TAF2: variants seen among roughly 807,000 people sequenced by gnomAD.
TAF2 encodes TATA-box binding protein associated factor 2.
A neutral mutation model predicts 138.5 loss-of-function variants in TAF2; 61 were observed. The observed-to-expected ratio is 0.44, with a 90% CI of 0.36 to 0.54. The LOEUF (loss-of-function observed/expected upper bound fraction) is 0.54. TAF2 is among the 20% of genes least tolerant of loss of function. The probability of loss-of-function intolerance (pLI) is 0.00; values close to 1 mark genes in which losing one functional copy is unlikely to be tolerated. For missense variants in TAF2, 1,090 were observed against 1,427.9 expected (o/e 0.76, Z 3.81); for synonymous variants, 475 against 469.9 (o/e 1.01, Z -0.14).
chr8:119,779,667 C>G (rs916265484), intron 17 of TAF2, among the ~76,000 whole-genome samples: 1 of 152,228 alleles, frequency 6.6e-6, no homozygotes, highest in Non-Finnish European at 1.5e-5. Flanking sequence ...TAAATACATT[C>G]TGGCTTCCAC....
intron 2 of TAF2, among the ~76,000 whole-genome samples, chr8:119,827,151 G>A (rs1381790949): frequency 3.3e-5 from 5 of 152,028 alleles, no homozygotes; most frequent in East Asian, 1.9e-4. Flanking sequence ...CTGTGATTGC[G>A]CCACTGCACT....
rs1168404024 is a variant in TAF2, at chr8:119,744,538, A to C, written c.3109-145T>G. 6 of 701,730 alleles carry C rather than the reference A, an allele frequency of 8.6e-6. No homozygotes were observed. The African/African-American group carries it at 1.1e-4, about 13-fold the overall frequency. The allele number at this position is 701,730 out of a possible 1,614,324, so 43.5% of individuals were successfully genotyped here. On this transcript the variant is annotated intron_variant, in intron 23 of 25. Coordinates refer to ENST00000378164, the MANE Select transcript of TAF2 (RefSeq NM_003184.4). ...AATAAAAAGTAGTTTCTTTCTTCAAAGATATTAAGAGAAAGAAAAGATTAT... is the reference window on the plus strand; with the variant it reads ...AATAAAAAGTAGTTTCTTTCTTCAACGATATTAAGAGAAAGAAAAGATTAT...
chr8:119,811,785 GAA>G (rs1413808440), intron 3 of TAF2, among the ~76,000 whole-genome samples: 1 of 113,758 alleles, frequency 8.8e-6, no homozygotes, highest in African/African-American at 3.5e-5. Context: ...CAGCTTGGGC[GAA>G]AGAGTGAGAC....
intron 6 of TAF2, among the ~76,000 whole-genome samples, chr8:119,799,518 T>C (rs1013648939): frequency 2.6e-5 from 4 of 152,244 alleles, no homozygotes; most frequent in African/African-American, 9.6e-5. Context: ...TATTCCATGA[T>C]GCATATGTGC....
chr8:119,749,608 T>C (rs1820212403), intron 22 of TAF2, among the ~76,000 whole-genome samples: 1 of 152,186 alleles, frequency 6.6e-6, no homozygotes, highest in South Asian at 2.1e-4. Context: ...CTCTGTGACC[T>C]TGGGCAAGTC....
At chr8:119,817,027 A>G (rs1009219236) in intron 3 of TAF2, among the ~76,000 whole-genome samples, 2 of 152,224 alleles carry the variant, frequency 1.3e-5, no homozygotes, top group African/African-American at 4.8e-5. Context: ...AAGATTCTAA[A>G]GCTAAGCAAA....
chr8:119,808,366 G>A (rs1386099826), intron 3 of TAF2, among the ~76,000 whole-genome samples: 2 of 152,142 alleles, frequency 1.3e-5, no homozygotes, highest in Non-Finnish European at 2.9e-5. Flanking sequence ...CTTACCTTTA[G>A]GCTCCACTTC....
At chr8:119,768,993 T>C (rs1444608994) in intron 18 of TAF2, among the ~76,000 whole-genome samples, 1 of 152,140 alleles carries the variant, frequency 6.6e-6, no homozygotes, top group Non-Finnish European at 1.5e-5. Context: ...AGAGATCACA[T>C]TTCTGCCTGT....
At chr8:119,815,033 G>C (rs1033340969) in intron 3 of TAF2, among the ~76,000 whole-genome samples, 16 of 151,764 alleles carry the variant, frequency 1.1e-4, no homozygotes, top group Admixed American at 8.5e-4. Context: ...TCGAACTCAT[G>C]ATTACAAGGC....
chr8:119,832,625 C>G lies in TAF2; in HGVS notation c.-61G>C, dbSNP rs1478934122. The G allele has an allele frequency of 4.6e-6, 7 of 1,511,854 alleles. No individual in the cohort carries two copies. The highest frequency in any genetic ancestry group is 6.4e-6 in the Non-Finnish European group (7 of 1,099,398). The allele number at this position is 1,511,854 out of a possible 1,614,324, so 93.7% of individuals were successfully genotyped here. ...TAGGGGGATACGGGGCATTACTAGT[C>G]TTTGGCACCTCACACTCTCCACTCC... On this transcript the variant is annotated 5_prime_UTR_variant, in exon 1 of 26. Coordinates refer to ENST00000378164, the MANE Select transcript of TAF2 (RefSeq NM_003184.4).
intron 18 of TAF2, among the ~76,000 whole-genome samples, chr8:119,774,436 A>G (rs1822073961): frequency 6.6e-6 from 1 of 152,142 alleles, no homozygotes; most frequent in South Asian, 2.1e-4. Context: ...AACAGCTATG[A>G]ATGTTCATAA....
At chr8:119,783,675 C>G in intron 15 of TAF2, 42 bp from the exon 16 acceptor site, 3 of 1,565,448 alleles carry the variant, frequency 1.9e-6, no homozygotes, top group Non-Finnish European at 2.6e-6. Context: ...AATTTTTAAA[C>G]TTATCATCTA....
intron 3 of TAF2, among the ~76,000 whole-genome samples, chr8:119,813,748 T>A (rs539608286): frequency 6.6e-6 from 1 of 152,176 alleles, no homozygotes; most frequent in Non-Finnish European, 1.5e-5. Flanking sequence ...TTGTGACTAT[T>A]AAGGCAAAAT....
intron 3 of TAF2, among the ~76,000 whole-genome samples, chr8:119,810,042 C>A (rs1824942267): frequency 7.0e-6 from 1 of 143,184 alleles, no homozygotes; most frequent in African/African-American, 2.6e-5. Flanking sequence ...CACAACAGAG[C>A]AACAGAGCAA....
At chr8:119,826,879 C>T (rs1359039383) in intron 2 of TAF2, among the ~76,000 whole-genome samples, 2 of 152,156 alleles carry the variant, frequency 1.3e-5, no homozygotes, top group African/African-American at 4.8e-5. Flanking sequence ...AGCCACCACA[C>T]CCAGCCTCCT....
At chr8:119,829,882 C>T (rs1464368886) in intron 2 of TAF2, among the ~76,000 whole-genome samples, 6 of 137,292 alleles carry the variant, frequency 4.4e-5, no homozygotes, top group Non-Finnish European at 6.2e-5. Flanking sequence ...TTTTTTGAGA[C>T]GGAGTCTTGC....
At chr8:119,778,326 G>A (rs982310538) in intron 17 of TAF2, among the ~76,000 whole-genome samples, 197 bp from the exon 18 acceptor site, 2 of 152,198 alleles carry the variant, frequency 1.3e-5, no homozygotes, top group Non-Finnish European at 2.9e-5. Flanking sequence ...AGCTGGGCAG[G>A]AAACTAAGGG....
chr8:119,831,547 T>C, intron 2 of TAF2, 130 bp downstream of exon 2: 1 of 650,844 alleles, frequency 1.5e-6, no homozygotes, highest in Non-Finnish European at 2.6e-6. Context: ...CAGACCCTAA[T>C]TTTAATTCTT....
chr8:119,798,795 G>C (rs370062563), intron 6 of TAF2, among the ~76,000 whole-genome samples: 56 of 152,172 alleles, frequency 3.7e-4, no homozygotes, highest in African/African-American at 1.3e-3. Context: ...AAAAAGAACA[G>C]ATTAGAGGCT....
Sources: allele counts gnomAD v4.1 joint callset (sites outside exome capture counted in the v4.1 genomes callset), GRCh38; gene constraint gnomAD v4.1.1; transcripts MANE v1.5; gene names NCBI Gene and HGNC (gene_info 2026-07-23, HGNC 2026-07-21).